The following WASHC5 variants were observed in gnomAD, a reference collection of about 807,000 sequenced individuals.
WASHC5 encodes the protein WASH complex subunit strumpellin.
A neutral mutation model predicts 150.4 loss-of-function variants in WASHC5; 101 were observed. That is an observed-to-expected ratio of 0.67 (90% CI 0.57 to 0.79). The LOEUF (loss-of-function observed/expected upper bound fraction) is 0.79, where lower values mean the gene tolerates loss of function less well. Ranked by LOEUF, WASHC5 falls within the 30% of genes least tolerant of loss-of-function variation. WASHC5 has a pLI of 0.00. For missense variants in WASHC5, 1,195 were observed against 1,396.3 expected (o/e 0.86, Z 2.30); for synonymous variants, 467 against 491.2 (o/e 0.95, Z 0.65).
intron 1 of WASHC5, among the ~76,000 whole-genome samples, chr8:125,088,031 T>C (rs776016972): frequency 7.9e-5 from 12 of 152,086 alleles, no homozygotes; most frequent in African/African-American, 2.4e-4. Context: ...GCAGTATGGA[T>C]ATCTGGGTAT....
intron 10 of WASHC5, among the ~76,000 whole-genome samples, chr8:125,064,092 G>A (rs1237811153): frequency 6.6e-6 from 1 of 152,136 alleles, no homozygotes; most frequent in African/African-American, 2.4e-5. Flanking sequence ...TCCAATGACT[G>A]GGGAATGAAC....
At chr8:125,033,917 A>G (rs1815617979) in intron 26 of WASHC5, among the ~76,000 whole-genome samples, 1 of 152,220 alleles carries the variant, frequency 6.6e-6, no homozygotes, top group African/African-American at 2.4e-5. Flanking sequence ...ACTGGACACC[A>G]TCAACAGTAA....
chr8:125,072,459 A>G (rs1816927735), intron 9 of WASHC5, among the ~76,000 whole-genome samples: 1 of 151,660 alleles, frequency 6.6e-6, no homozygotes. Flanking sequence ...CTGCAGCTGC[A>G]ACCTCCCAGG....
At chr8:125,082,198 T>C (rs1268077830) in intron 4 of WASHC5, among the ~76,000 whole-genome samples, 185 bp downstream of exon 4, 1 of 152,260 alleles carries the variant, frequency 6.6e-6, no homozygotes, top group Non-Finnish European at 1.5e-5. Flanking sequence ...TTAACTGTTT[T>C]AAATTCTGTT....
At chr8:125,079,259 T>G (rs1391174571) in intron 5 of WASHC5, among the ~76,000 whole-genome samples, 1 of 138,666 alleles carries the variant, frequency 7.2e-6, no homozygotes, top group Non-Finnish European at 1.5e-5. Context: ...TGGCGTGATC[T>G]CAGCTCACTG....
chr8:125,076,308 A>C, intron 7 of WASHC5, 40 bp downstream of exon 7: 1 of 1,593,814 alleles, frequency 6.3e-7, no homozygotes. Flanking sequence ...TTAGTTCTCT[A>C]ACACATTTAC....
chr8:125,081,950 A>G (rs557678381), intron 4 of WASHC5, among the ~76,000 whole-genome samples, 189 bp from the exon 5 acceptor site: 7 of 152,382 alleles, frequency 4.6e-5, no homozygotes, highest in Non-Finnish European at 1.0e-4. Flanking sequence ...TTTATGTAAA[A>G]CAGATTTTAA....
rs1297736181 is a variant in WASHC5 at position 125,077,997 on chromosome 8, C to T, written c.711+741G>A. ...AAGCTACCTAAAGAACTGCACAGAT[C>T]AGGTTCATTCTGTGATAAATGATAT... On this transcript the variant is annotated intron_variant, in intron 6 of 28. Transcript: ENST00000318410. Among the ~76,000 whole-genome samples, 2 of 152,176 alleles carry T rather than the reference C, an allele frequency of 1.3e-5. 1 individual carries two copies. The highest frequency in any genetic ancestry group is 4.8e-5 in the African/African-American group (2 of 41,442).
chr8:125,051,499 A>G (rs2130059289), intron 17 of WASHC5, among the ~76,000 whole-genome samples: 1 of 152,356 alleles, frequency 6.6e-6, no homozygotes, highest in South Asian at 2.1e-4. Context: ...AAACACATTA[A>G]ACTACGTCAA....
intron 14 of WASHC5, 106 bp from the exon 15 acceptor site, chr8:125,057,772 C>G (rs2130090529): frequency 1.4e-6 from 1 of 709,642 alleles, no homozygotes; most frequent in African/African-American, 3.0e-5. Flanking sequence ...TTTTACCCAA[C>G]AGAGGGCATT....
rs546562712 is a variant in WASHC5 at position 125,069,110 on chromosome 8, T to C, written c.1151-1391A>G. Among the ~76,000 whole-genome samples, 4 of 152,314 alleles carry C rather than the reference T, an allele frequency of 2.6e-5. No homozygotes were observed. The South Asian group carries it at 8.3e-4, about 32-fold the overall frequency. ...GTAGAGCCCTTGGCAGGCAATTGTG[T>C]TATGAGGGGTCCACCCTCATGAATG... On this transcript the variant is annotated intron_variant, in intron 9 of 28. Coordinates refer to ENST00000318410, the MANE Select transcript of WASHC5 (RefSeq NM_014846.4).
intron 19 of WASHC5, among the ~76,000 whole-genome samples, chr8:125,048,137 A>G (rs1816129406): frequency 1.3e-5 from 2 of 152,224 alleles, no homozygotes; most frequent in Admixed American, 6.5e-5. Context: ...ACGAGAAGCG[A>G]GAACTAAGAT....
In WASHC5 at chr8:125,082,431, C is replaced by T; in HGVS notation, c.369G>A (p.Gln123=). ...TGAGAAGCACAGTTTCTAAGGTTTGCTGAATATAAACCCCTTCATTGAGAT... is the reference window on the plus strand; with the variant it reads ...TGAGAAGCACAGTTTCTAAGGTTTGTTGAATATAAACCCCTTCATTGAGAT... ...LDDLNEGVYI[Q]QTLETVLLNE... Residue 123 remains glutamine, a synonymous_variant, in exon 4 of 29, where the codon CAG becomes CAA. Transcript: ENST00000318410. 1 of 1,591,160 alleles carries T rather than the reference C, an allele frequency of 6.3e-7. No individual in the cohort carries two copies. The highest frequency in any genetic ancestry group is 8.6e-7 in the Non-Finnish European group (1 of 1,159,578).
intron 3 of WASHC5, 81 bp from the exon 4 acceptor site, chr8:125,082,548 A>T: frequency 3.5e-6 from 3 of 850,450 alleles, no homozygotes; most frequent in Non-Finnish European, 5.9e-6. Flanking sequence ...TTTTTAAAAG[A>T]TAAGGCAGGA....
rs1563627744 is a variant in WASHC5, at chr8:125,067,583, T to C, written c.1278+9A>G. 2 of 1,606,526 alleles carry C rather than the reference T, an allele frequency of 1.2e-6. No homozygotes were observed. The highest frequency in any genetic ancestry group is 8.5e-7 in the Non-Finnish European group (1 of 1,173,536). On this transcript the variant is annotated intron_variant, in intron 10 of 28. Coordinates refer to ENST00000318410, the MANE Select transcript of WASHC5 (RefSeq NM_014846.4). ...AAGACTGTGGTGATATTCATTCAAA[T>C]ATTTTTACCTCTTTGAGTATAAACT...
intron 24 of WASHC5, 98 bp from the exon 25 acceptor site, chr8:125,039,057 TTCC>T (rs1815804956): frequency 2.3e-6 from 3 of 1,307,014 alleles, no homozygotes; most frequent in African/African-American, 1.5e-5. Context: ...AAGCCTCAGT[TTCC>T]TCATCTGTAA....
chr8:125,050,944 G>A (rs1816221350), intron 17 of WASHC5, among the ~76,000 whole-genome samples: 1 of 152,092 alleles, frequency 6.6e-6, no homozygotes, highest in South Asian at 2.1e-4. Flanking sequence ...AGTTTTAAAT[G>A]GCCTCACATT....
Position 125,039,114 on chromosome 8 carries a change from G to C in WASHC5, c.2955-155C>G, listed in dbSNP as rs569929103. On this transcript the variant is annotated intron_variant, in intron 24 of 28. Transcript: ENST00000318410. ...CTAATTCTCAACCATGCCTGTGATT[G>C]GTTTTAAGTGGAAAATTTGACCTAG... Among the ~76,000 whole-genome samples, 24 of 152,274 alleles carry C rather than the reference G, an allele frequency of 1.6e-4. No individual in the cohort carries two copies. The East Asian group carries it at 4.6e-3, about 29-fold the overall frequency.
intron 8 of WASHC5, among the ~76,000 whole-genome samples, chr8:125,073,744 G>C (rs1234986845): frequency 6.6e-6 from 1 of 152,220 alleles, no homozygotes; most frequent in Non-Finnish European, 1.5e-5. Context: ...AAAAGCACTG[G>C]ACTTAGAATT....
Sources: gnomAD v4.1 joint callset for allele counts (sites outside exome capture counted in the v4.1 genomes callset) on GRCh38, gnomAD v4.1.1 for gene constraint, MANE v1.5 for transcripts, NCBI Gene and HGNC (gene_info 2026-07-23, HGNC 2026-07-21) for gene names.